The following PPM1L variants were observed in gnomAD, a reference collection of about 807,000 sequenced individuals.
PPM1L encodes protein phosphatase, Mg2+/Mn2+ dependent 1L.
PPM1L carries 13 observed loss-of-function variants against 31.4 expected under a neutral mutation model. The ratio of observed to expected loss-of-function variants is 0.41; its 90% CI spans 0.27 to 0.66. PPM1L has a LOEUF of 0.66. Among genes scored for constraint, PPM1L ranks in the 30% least tolerant of loss-of-function variants. The pLI, the probability that PPM1L is intolerant of heterozygous loss-of-function variation, is 0.29. For synonymous variants in PPM1L, 184 were observed against 175.4 expected (o/e 1.05, Z -0.39); for missense variants, 326 against 453.7 (o/e 0.72, Z 2.56).
chr3:161,002,977 A>T (rs1454937233), intron 2 of PPM1L, among the ~76,000 whole-genome samples: 2 of 150,878 alleles, frequency 1.3e-5, no homozygotes, highest in African/African-American at 2.4e-5. Flanking sequence ...TTTAGGTCTA[A>T]CATGTAAGTC....
At chr3:161,045,027 G>A (rs1719017758) in intron 2 of PPM1L, among the ~76,000 whole-genome samples, 1 of 152,162 alleles carries the variant, frequency 6.6e-6, no homozygotes, top group African/African-American at 2.4e-5. Context: ...GACAAAGAAG[G>A]CCATTACATA....
At chr3:161,063,697 C>CTACTA in intron 2 of PPM1L, among the ~76,000 whole-genome samples, 1 of 152,264 alleles carries the variant, frequency 6.6e-6, no homozygotes, top group Middle Eastern at 3.4e-3. Context: ...ATAAACCATT[C>CTACTA]TACTATAAAG....
chr3:160,920,536 A>G (rs1714351274), intron 1 of PPM1L, among the ~76,000 whole-genome samples: 3 of 150,430 alleles, frequency 2.0e-5, no homozygotes, highest in Non-Finnish European at 3.0e-5. Flanking sequence ...GATAGACGGT[A>G]TATTTCTTTG....
intron 2 of PPM1L, among the ~76,000 whole-genome samples, chr3:160,979,959 A>G (rs779781371): frequency 2.6e-5 from 4 of 152,116 alleles, no homozygotes; most frequent in Non-Finnish European, 5.9e-5. Context: ...GAGAAGGTCA[A>G]TAATAAGGTC....
At chr3:160,837,898 T>A (rs998851735) in intron 1 of PPM1L, among the ~76,000 whole-genome samples, 1 of 152,160 alleles carries the variant, frequency 6.6e-6, no homozygotes, top group Admixed American at 6.5e-5. Context: ...TCTTATTAAT[T>A]TTTAAATGAG....
intron 1 of PPM1L, among the ~76,000 whole-genome samples, chr3:160,813,839 G>T (rs1712886559): frequency 1.3e-5 from 2 of 152,158 alleles, no homozygotes; most frequent in Non-Finnish European, 2.9e-5. Flanking sequence ...CAGAAGTGAA[G>T]TTGGTACATT....
chr3:160,985,051 A>C (rs1267554911), intron 2 of PPM1L, among the ~76,000 whole-genome samples: 1 of 152,216 alleles, frequency 6.6e-6, no homozygotes, highest in Admixed American at 6.5e-5. Context: ...TTAGAACAAT[A>C]GTTTTCAACC....
chr3:160,829,743 A>G (rs1172590192), intron 1 of PPM1L, among the ~76,000 whole-genome samples: 4 of 152,112 alleles, frequency 2.6e-5, no homozygotes, highest in Non-Finnish European at 5.9e-5. Flanking sequence ...GTTGAGCATT[A>G]AGAGGGGTTG....
At chr3:161,035,240 G>C (rs1231487648) in intron 2 of PPM1L, among the ~76,000 whole-genome samples, 1 of 151,514 alleles carries the variant, frequency 6.6e-6, no homozygotes, top group Non-Finnish European at 1.5e-5. Flanking sequence ...GAGCCATCTT[G>C]CAGTTTTGAC....
intron 2 of PPM1L, among the ~76,000 whole-genome samples, chr3:160,965,813 T>C (rs114627633): frequency 0.014 from 2,157 of 152,230 alleles, 51 homozygotes; most frequent in African/African-American, 0.048. Flanking sequence ...TCTTGGTCTC[T>C]AGAGAGGTTA....
intron 1 of PPM1L, among the ~76,000 whole-genome samples, chr3:160,815,079 G>A (rs1197000235): frequency 6.6e-6 from 1 of 152,008 alleles, no homozygotes; most frequent in Non-Finnish European, 1.5e-5. Flanking sequence ...ACCACAATGG[G>A]TGCACCAGAA....
intron 2 of PPM1L, among the ~76,000 whole-genome samples, chr3:161,062,542 A>C (rs1002384914): frequency 6.6e-6 from 1 of 152,200 alleles, no homozygotes; most frequent in Non-Finnish European, 1.5e-5. Flanking sequence ...CAATTTGTCT[A>C]TCTTCTGCAT....
intron 2 of PPM1L, among the ~76,000 whole-genome samples, chr3:160,962,111 T>G (rs975719392): frequency 6.6e-6 from 1 of 152,142 alleles, no homozygotes; most frequent in Non-Finnish European, 1.5e-5. Context: ...TCAAATGCCT[T>G]TAAAATTTTG....
chr3:161,055,112 G>T (rs1313607369), intron 2 of PPM1L, among the ~76,000 whole-genome samples: 1 of 152,016 alleles, frequency 6.6e-6, no homozygotes, highest in Non-Finnish European at 1.5e-5. Context: ...CAGAGCAGGG[G>T]GTACAAGGAC....
At chr3:160,772,070 C>T (rs1224067551) in intron 1 of PPM1L, among the ~76,000 whole-genome samples, 1 of 152,030 alleles carries the variant, frequency 6.6e-6, no homozygotes, top group Admixed American at 6.6e-5. Flanking sequence ...CACAAAGCAG[C>T]AAATAATTTT....
chr3:160,966,249 T>G (rs1716139445), intron 2 of PPM1L, among the ~76,000 whole-genome samples: 1 of 152,132 alleles, frequency 6.6e-6, no homozygotes, highest in Non-Finnish European at 1.5e-5. Context: ...GGTATTTCCT[T>G]TTATAAAATT....
intron 1 of PPM1L, among the ~76,000 whole-genome samples, chr3:160,809,759 G>A (rs1000624109): frequency 7.2e-5 from 11 of 152,034 alleles, no homozygotes; most frequent in Admixed American, 2.0e-4. Flanking sequence ...AATGCCACCT[G>A]CTTATCTGAC....
At chr3:161,033,757 A>G (rs1042581117) in intron 2 of PPM1L, among the ~76,000 whole-genome samples, 1 of 152,228 alleles carries the variant, frequency 6.6e-6, no homozygotes, top group African/African-American at 2.4e-5. Context: ...AAACCTGGGC[A>G]ATACCATTCA....
chr3:160,793,326 A>T (rs555588624), intron 1 of PPM1L, among the ~76,000 whole-genome samples: 1 of 152,210 alleles, frequency 6.6e-6, no homozygotes, highest in Non-Finnish European at 1.5e-5. Flanking sequence ...AGAATCATGG[A>T]GTTGGATGGG....
Sources: allele counts gnomAD v4.1 joint callset (sites outside exome capture counted in the v4.1 genomes callset), GRCh38; gene constraint gnomAD v4.1.1; transcripts MANE v1.5; gene names NCBI Gene and HGNC (gene_info 2026-07-23, HGNC 2026-07-21).